ABCC9: variants seen among roughly 807,000 people sequenced by gnomAD.
The protein encoded by ABCC9 is ATP binding cassette subfamily C member 9.
A neutral mutation model predicts 188.3 loss-of-function variants in ABCC9; 95 were observed. The observed-to-expected ratio is 0.50, with a 90% CI of 0.43 to 0.60. The LOEUF (loss-of-function observed/expected upper bound fraction) is 0.60. Among genes scored for constraint, ABCC9 ranks in the 20% least tolerant of loss-of-function variants. ABCC9 has a pLI of 0.00. For missense variants in ABCC9, 1,102 were observed against 1,876.3 expected (o/e 0.59, Z 7.62); for synonymous variants, 659 against 652.7 (o/e 1.01, Z -0.15).
intron 3 of ABCC9, among the ~76,000 whole-genome samples, chr12:21,934,616 C>T (rs375196961): frequency 3.3e-5 from 5 of 151,704 alleles, no homozygotes; most frequent in African/African-American, 7.2e-5. Context: ...TTAGTTACTA[C>T]GTAGAGTAAT....
Position 21,861,133 on chromosome 12 carries a change from T to C in ABCC9, c.2340-78A>G, listed in dbSNP as rs1302489586. On this transcript the variant is annotated intron_variant, in intron 20 of 39. Transcript: ENST00000261200. ...AAACTAAGTGCCAAATTCAATACTTTGGAAGTTGAAATAAAACATTTGCTG... is the reference window on the plus strand; with the variant it reads ...AAACTAAGTGCCAAATTCAATACTTCGGAAGTTGAAATAAAACATTTGCTG... The C allele has an allele frequency of 2.6e-6, 3 of 1,174,098 alleles. No individual in the cohort carries two copies. In the Admixed American group the frequency reaches 5.1e-5, roughly 20 times the overall value. The allele number at this position is 1,174,098 out of a possible 1,614,324, so 72.7% of individuals were successfully genotyped here. A position where few individuals can be genotyped will look rare whatever the true frequency, so the allele number is the denominator to read the frequency against.
At chr12:21,900,215 C>T (rs1258973258) in intron 12 of ABCC9, among the ~76,000 whole-genome samples, 1 of 152,164 alleles carries the variant, frequency 6.6e-6, no homozygotes, top group Admixed American at 6.5e-5. Flanking sequence ...GAGTGGACCT[C>T]CATCAAACTC....
chr12:21,846,050 A>G (rs1052457971), intron 25 of ABCC9, among the ~76,000 whole-genome samples: 5 of 152,236 alleles, frequency 3.3e-5, no homozygotes, highest in African/African-American at 1.2e-4. Context: ...TAAAATCTAC[A>G]TCTGGATGAG....
chr12:21,851,053 C>A (rs546637858), intron 24 of ABCC9, among the ~76,000 whole-genome samples: 1 of 152,076 alleles, frequency 6.6e-6, no homozygotes, highest in Admixed American at 6.6e-5. Flanking sequence ...ATCTTCCTCT[C>A]TCTATGGAGA....
chr12:21,891,748 G>T (rs529705454), intron 14 of ABCC9, among the ~76,000 whole-genome samples: 66 of 152,244 alleles, frequency 4.3e-4, no homozygotes, highest in Admixed American at 3.7e-3. Flanking sequence ...TAAGATTGCA[G>T]TGAGGGATTT....
chr12:21,874,124 A>G (rs1565766826), intron 17 of ABCC9, among the ~76,000 whole-genome samples: 1 of 26,534 alleles, frequency 3.8e-5, no homozygotes, highest in Non-Finnish European at 7.5e-5. Context: ...GTTAATATCC[A>G]AAATATAAAA....
rs1261861040 is a variant in ABCC9 at position 21,844,566 on chromosome 12, A to C, written c.3246-14T>G. 1 of 1,611,752 alleles carries C rather than the reference A, an allele frequency of 6.2e-7. No homozygotes were observed. Among genetic ancestry groups the C allele is most frequent in the Non-Finnish European group, 8.5e-7 (1 of 1,177,894 alleles). ...GTATCAAAAAACCTAGGCAATAAAC[A>C]GATGGAAGTATATGATAATACTAAA... On this transcript the variant is annotated splice_polypyrimidine_tract_variant and intron_variant, in intron 27 of 39. Transcript: ENST00000261200.
intron 18 of ABCC9, 33 bp downstream of exon 18, chr12:21,872,592 A>C (rs1173231582): frequency 6.9e-7 from 1 of 1,458,592 alleles, no homozygotes; most frequent in Admixed American, 1.7e-5. Flanking sequence ...GATGTATGAC[A>C]TAGCAATGGA....
intron 30 of ABCC9, among the ~76,000 whole-genome samples, chr12:21,832,232 G>A (rs1342620979): frequency 6.6e-6 from 1 of 152,172 alleles, no homozygotes; most frequent in Non-Finnish European, 1.5e-5. Context: ...ATGCTTTCGT[G>A]GTAAACTACT....
At chr12:21,902,566 A>T (rs933118808) in intron 12 of ABCC9, among the ~76,000 whole-genome samples, 1 of 152,204 alleles carries the variant, frequency 6.6e-6, no homozygotes, top group Non-Finnish European at 1.5e-5. Flanking sequence ...CTAATGAGAA[A>T]AGAGAGAAGA....
At chr12:21,867,705 T>G (rs1731598860) in intron 18 of ABCC9, among the ~76,000 whole-genome samples, 1 of 151,732 alleles carries the variant, frequency 6.6e-6, no homozygotes, top group African/African-American at 2.4e-5. Context: ...TCCATTTGTC[T>G]GAAAATAATT....
chr12:21,921,359 G>A (rs561641278), intron 5 of ABCC9, among the ~76,000 whole-genome samples: 6 of 152,102 alleles, frequency 3.9e-5, no homozygotes, highest in South Asian at 2.1e-4. Flanking sequence ...TTTGCCATTC[G>A]TGTGTCTTCT....
At chr12:21,871,376 C>A (rs533663127) in intron 18 of ABCC9, among the ~76,000 whole-genome samples, 2 of 152,294 alleles carry the variant, frequency 1.3e-5, no homozygotes, top group Admixed American at 1.3e-4. Flanking sequence ...AGGCTATCTG[C>A]TAGATTTGCT....
chr12:21,871,578 A>G (rs1946078562), intron 18 of ABCC9, among the ~76,000 whole-genome samples: 1 of 152,224 alleles, frequency 6.6e-6, no homozygotes, highest in South Asian at 2.1e-4. Context: ...ATGTCTGTGT[A>G]TGTAAACAGC....
At position 21,818,526 on chromosome 12, in the gene ABCC9, A is replaced by ATG. The variant is rs71053348; in HGVS notation, c.3670-277_3670-276dup. 0.22 allele frequency among the ~76,000 whole-genome samples: 30,078 copies of ATG among 136,270 alleles called. 3,376 individuals are homozygous for ATG. The highest frequency in any genetic ancestry group is 0.27 in the Middle Eastern group (71 of 262). The allele number at this position is 136,270 out of a possible 152,430, so 89.4% of individuals were successfully genotyped here. A position where few individuals can be genotyped will look rare whatever the true frequency, so the allele number is the denominator to read the frequency against. ...TATATAACTATATAGATATATATAT[A>ATG]TGTGTGTGTGTGTGTGTGTGTGTGT... On this transcript the variant is annotated intron_variant, in intron 31 of 39. Coordinates refer to ENST00000261200, the MANE Select transcript of ABCC9 (RefSeq NM_020297.4).
chr12:21,940,402 C>T (rs1949642859), intron 2 of ABCC9, among the ~76,000 whole-genome samples: 1 of 152,168 alleles, frequency 6.6e-6, no homozygotes, highest in South Asian at 2.1e-4. Flanking sequence ...AAAACAAATG[C>T]TGTAATCACT....
At chr12:21,836,583 C>A (rs921118316) in intron 30 of ABCC9, among the ~76,000 whole-genome samples, 1 of 152,148 alleles carries the variant, frequency 6.6e-6, no homozygotes, top group Non-Finnish European at 1.5e-5. Context: ...CTCTCTGACA[C>A]AGTTGTTTCT....
intron 16 of ABCC9, among the ~76,000 whole-genome samples, chr12:21,877,904 GC>G (rs1946443486): frequency 6.6e-6 from 1 of 152,198 alleles, no homozygotes; most frequent in African/African-American, 2.4e-5. Flanking sequence ...GCACTCAGCA[GC>G]CTGGTTATAG....
At chr12:21,940,931 A>G (rs1171808741) in intron 1 of ABCC9, 106 bp from the exon 2 acceptor site, 1 of 152,188 alleles carries the variant, frequency 6.6e-6, no homozygotes, top group East Asian at 1.9e-4. Context: ...CCTAATAATA[A>G]TAACTCCTTT....
Sources: gnomAD v4.1 joint callset for allele counts (sites outside exome capture counted in the v4.1 genomes callset) on GRCh38, gnomAD v4.1.1 for gene constraint, MANE v1.5 for transcripts, NCBI Gene and HGNC (gene_info 2026-07-23, HGNC 2026-07-21) for gene names.